EMSY: variants seen among roughly 807,000 people sequenced by gnomAD.
EMSY encodes the protein EMSY transcriptional repressor, BRCA2 interacting.
A neutral mutation model predicts 134.6 loss-of-function variants in EMSY; 26 were observed. The observed-to-expected ratio is 0.19, with a 90% CI of 0.14 to 0.27. The LOEUF (loss-of-function observed/expected upper bound fraction) is 0.27. Among genes scored for constraint, EMSY ranks in the 10% least tolerant of loss-of-function variants. EMSY has a pLI of 1.00. For missense variants in EMSY, 1,305 were observed against 1,611.4 expected (o/e 0.81, Z 3.26); for synonymous variants, 579 against 577.8 (o/e 1.00, Z -0.03).
intron 14 of EMSY, 65 bp from the exon 16 acceptor site, chr11:76,535,830 G>GTT (rs202063699): frequency 1.0e-3 from 908 of 899,228 alleles, no homozygotes; most frequent in South Asian, 2.0e-3. Context: ...AAAATTGTTT[G>GTT]TTTTTTTTTT....
At chr11:76,507,813 G>A (rs1950132293) in intron 9 of EMSY, among the ~76,000 whole-genome samples, 1 of 151,416 alleles carries the variant, frequency 6.6e-6, no homozygotes, top group African/African-American at 2.4e-5. Context: ...AAATCATTAT[G>A]GCAGCTGTAG....
At chr11:76,522,401 T>C (rs570695674) in intron 11 of EMSY, among the ~76,000 whole-genome samples, 1 of 136,724 alleles carries the variant, frequency 7.3e-6, no homozygotes, top group South Asian at 2.7e-4. Context: ...CGAGTCTTGC[T>C]CTGTAGCCCA....
chr11:76,494,243 T>C (rs1949539391), intron 8 of EMSY, among the ~76,000 whole-genome samples: 1 of 152,192 alleles, frequency 6.6e-6, no homozygotes, highest in South Asian at 2.1e-4. Context: ...ATGAGCCCAG[T>C]GGGCAAGCAA....
intron 11 of EMSY, among the ~76,000 whole-genome samples, chr11:76,517,454 C>T (rs1565338710): frequency 6.6e-6 from 1 of 152,114 alleles, no homozygotes; most frequent in African/African-American, 2.4e-5. Context: ...AAAGCACTTA[C>T]TCAGTTAAAC....
chr11:76,526,391 ATTT>A (rs1950847559), intron 12 of EMSY, 68 bp from the exon 14 acceptor site: 2 of 1,195,210 alleles, frequency 1.7e-6, no homozygotes, highest in South Asian at 4.3e-5. Context: ...AACCTTACTG[ATTT>A]TTCAGTGAGA....
At chr11:76,517,187 T>C (rs1950477856) in intron 11 of EMSY, among the ~76,000 whole-genome samples, 1 of 152,078 alleles carries the variant, frequency 6.6e-6, no homozygotes, top group Non-Finnish European at 1.5e-5. Context: ...TGGCAGTAAT[T>C]TGATGTTGCT....
At chr11:76,480,560 C>A (rs988285972) in intron 8 of EMSY, among the ~76,000 whole-genome samples, 2 of 152,132 alleles carry the variant, frequency 1.3e-5, no homozygotes, top group African/African-American at 2.4e-5. Flanking sequence ...TTCAGCCATG[C>A]GGCCAAGGTA....
chr11:76,528,403 G>A, exon 14 of EMSY: 1 of 1,612,480 alleles, frequency 6.2e-7, no homozygotes, highest in Non-Finnish European at 8.5e-7. Flanking sequence ...GGAAGGAAAA[G>A]AAGAACCACA....
Position 76,466,913 on chromosome 11 carries a change from A to G in EMSY, c.831+2833A>G, listed in dbSNP as rs552009617. Reference sequence around the variant, plus strand: ...TTGCAAGGATTAAATGAGATTGGATATTTAAAGAGCAACATAAGGTATGTA... The same window carrying G: ...TTGCAAGGATTAAATGAGATTGGATGTTTAAAGAGCAACATAAGGTATGTA... On this transcript the variant is annotated intron_variant, in intron 7 of 20. Transcript: ENST00000334736. 1.1e-4 allele frequency among the ~76,000 whole-genome samples: 16 copies of G among 152,342 alleles called. No individual in the cohort carries two copies. The South Asian group carries it at 3.3e-3, about 32-fold the overall frequency.
chr11:76,486,714 T>C (rs1175727451), intron 8 of EMSY, among the ~76,000 whole-genome samples: 5 of 152,158 alleles, frequency 3.3e-5, no homozygotes, highest in Non-Finnish European at 7.4e-5. Context: ...GTGAAGTGGA[T>C]ATTTAAGAAG....
intron 20 of EMSY, among the ~76,000 whole-genome samples, chr11:76,549,694 A>G (rs1951777963): frequency 6.6e-6 from 1 of 152,158 alleles, no homozygotes; most frequent in Admixed American, 6.6e-5. Flanking sequence ...TGGTTAAGTC[A>G]TCTACCCTCT....
At chr11:76,498,963 A>G (rs1214751610) in intron 9 of EMSY, among the ~76,000 whole-genome samples, 4 of 152,154 alleles carry the variant, frequency 2.6e-5, no homozygotes, top group African/African-American at 9.7e-5. Context: ...CTTTGCCAAT[A>G]ACTTGTTTTT....
exon 20 of EMSY, chr11:76,546,135 A>G (rs1475447430): frequency 1.9e-6 from 3 of 1,614,084 alleles, no homozygotes; most frequent in African/African-American, 2.7e-5. Flanking sequence ...CTCCCCAGCA[A>G]CAGAAATGTA....
intron 8 of EMSY, among the ~76,000 whole-genome samples, chr11:76,491,326 G>A (rs1949415979): frequency 6.6e-6 from 1 of 151,964 alleles, no homozygotes; most frequent in African/African-American, 2.4e-5. Flanking sequence ...GACTACAGGT[G>A]TGTGCTGCCA....
intron 17 of EMSY, among the ~76,000 whole-genome samples, chr11:76,541,391 T>C (rs1355643599): frequency 5.3e-5 from 8 of 152,176 alleles, no homozygotes; most frequent in African/African-American, 1.4e-4. Context: ...TAGAACAGAT[T>C]TTTCTATTAT....
At chr11:76,486,805 T>A (rs933990401) in intron 8 of EMSY, among the ~76,000 whole-genome samples, 3 of 152,116 alleles carry the variant, frequency 2.0e-5, no homozygotes, top group African/African-American at 7.2e-5. Context: ...ATCAAGGTGG[T>A]CATAATAGTG....
chr11:76,489,453 G>C (rs1949326900), intron 8 of EMSY, among the ~76,000 whole-genome samples: 1 of 150,420 alleles, frequency 6.6e-6, no homozygotes, highest in African/African-American at 2.4e-5. Context: ...TAGGATTATT[G>C]TGTCTTCTTG....
At chr11:76,551,422 G>C (rs999710384) in exon 21 of EMSY, 3 of 152,650 alleles carry the variant, frequency 2.0e-5, no homozygotes, top group African/African-American at 7.2e-5. Context: ...CAGCATAACT[G>C]CCCAGTTTTT....
chr11:76,552,505 A>G (rs1036842915), downstream of EMSY: 2 of 152,224 alleles, frequency 1.3e-5, no homozygotes, highest in Admixed American at 6.5e-5. Context: ...ATTACAATGC[A>G]AATGCTACAG....
Sources: gnomAD v4.1 joint callset for allele counts (sites outside exome capture counted in the v4.1 genomes callset) on GRCh38, gnomAD v4.1.1 for gene constraint, MANE v1.5 for transcripts, NCBI Gene and HGNC (gene_info 2026-07-23, HGNC 2026-07-21) for gene names.